RASA3: variants seen among roughly 807,000 people sequenced by gnomAD.
RASA3 encodes ras GTPase-activating protein 3.
Under a neutral mutation model 110.0 loss-of-function variants are expected in RASA3, and 73 were observed. The ratio of observed to expected loss-of-function variants is 0.66; its 90% confidence interval spans 0.55 to 0.81. The LOEUF is 0.81. Ranked by LOEUF, RASA3 falls within the 30% of genes least tolerant of loss-of-function variation. The pLI is 0.00. For synonymous variants in RASA3, 500 were observed against 451.4 expected (o/e 1.11, Z -1.37); for missense variants, 976 against 1,113.2 (o/e 0.88, Z 1.75).
intron 1 of RASA3, among the ~76,000 whole-genome samples, chr13:114,081,758 A>G (rs1280823320): frequency 1.3e-5 from 2 of 152,188 alleles, no homozygotes; most frequent in African/African-American, 4.8e-5. Flanking sequence ...AATAACGAGG[A>G]AAGAGAAGGC....
intron 2 of RASA3, among the ~76,000 whole-genome samples, chr13:114,073,337 T>C (rs71449068): frequency 5.6e-5 from 6 of 106,838 alleles, no homozygotes; most frequent in South Asian, 3.5e-4. Context: ...GGGACGGTGA[T>C]GTACATGCTT....
At chr13:114,111,233 G>A (rs1237251882) in intron 1 of RASA3, among the ~76,000 whole-genome samples, 2 of 20,046 alleles carry the variant, frequency 1.0e-4, no homozygotes. Context: ...CCAGCTGCAG[G>A]CCGAGTTCTA....
intron 3 of RASA3, among the ~76,000 whole-genome samples, chr13:114,046,066 G>A (rs2079047641): frequency 6.6e-6 from 1 of 152,206 alleles, no homozygotes; most frequent in East Asian, 1.9e-4. Flanking sequence ...TTTGGAAATT[G>A]AGAAGCTCAT....
chr13:113,991,877 TC>T (rs1417805229), intron 22 of RASA3, among the ~76,000 whole-genome samples: 1 of 152,118 alleles, frequency 6.6e-6, no homozygotes, highest in African/African-American at 2.4e-5. Flanking sequence ...TGCTCACGTG[TC>T]CCCACACACA....
chr13:114,005,286 G>A (rs2053489571), intron 18 of RASA3, among the ~76,000 whole-genome samples: 2 of 152,256 alleles, frequency 1.3e-5, no homozygotes, highest in South Asian at 2.1e-4. Flanking sequence ...ACACCAGGCA[G>A]AGCAAAGCCC....
In RASA3 at chr13:114,112,195, G is replaced by A. The variant is rs1317056624; in HGVS notation, c.55+20240C>T. ...AAAGAGAAGGAGAACAAAACCCTCAGCCAGGCTATTGTGAATGGGTGTTAC... is the reference window on the plus strand; with the variant it reads ...AAAGAGAAGGAGAACAAAACCCTCAACCAGGCTATTGTGAATGGGTGTTAC... On this transcript the variant is annotated intron_variant, in intron 1 of 23. Coordinates refer to ENST00000334062, the MANE Select transcript of RASA3 (RefSeq NM_007368.4). The surrounding 1 kb of genome is among the most constrained non-coding windows in gnomAD (Gnocchi z 4.8). Among the ~76,000 whole-genome samples, 1 of 151,888 alleles carries A rather than the reference G, an allele frequency of 6.6e-6. No individual in the cohort carries two copies. The highest frequency in any genetic ancestry group is 1.5e-5 in the Non-Finnish European group (1 of 67,966).
intron 2 of RASA3, among the ~76,000 whole-genome samples, chr13:114,062,529 T>G (rs1417866870): frequency 6.6e-6 from 1 of 152,122 alleles, no homozygotes; most frequent in Non-Finnish European, 1.5e-5. Context: ...CCCCCAGGTG[T>G]GCAGCAATAG....
At chr13:114,018,998 T>C (rs1368983976) in intron 9 of RASA3, 79 bp from the exon 10 acceptor site, 2 of 1,555,734 alleles carry the variant, frequency 1.3e-6, no homozygotes, top group African/African-American at 2.7e-5. Context: ...CCCAGCTGCC[T>C]GCTTGAGGTC....
At chr13:114,002,138 G>A (rs1462413666) in intron 18 of RASA3, among the ~76,000 whole-genome samples, 1 of 152,276 alleles carries the variant, frequency 6.6e-6, no homozygotes, top group African/African-American at 2.4e-5. Context: ...CTGGAGGACA[G>A]AGGTGGAAGC....
At chr13:114,064,984 T>G (rs531014050) in intron 2 of RASA3, among the ~76,000 whole-genome samples, 2 of 152,372 alleles carry the variant, frequency 1.3e-5, no homozygotes, top group East Asian at 3.9e-4. Context: ...TGGCAAAGTC[T>G]CCTTTCCCTC....
Position 114,123,599 on chromosome 13 carries a change from C to T in RASA3, c.55+8836G>A, listed in dbSNP as rs561744751. Among the ~76,000 whole-genome samples the T allele has an allele frequency of 2.0e-5, 3 of 152,332 alleles. No individual in the cohort carries two copies. The East Asian group carries it at 5.8e-4, about 29-fold the overall frequency. ...ACCAAGCTCCAGGAAGACACAACAA[C>T]AATCACCCTTAGGCTTTGTCAGGCA... On this transcript the variant is annotated intron_variant, in intron 1 of 23. Transcript: ENST00000334062.
rs200240133 is a variant in RASA3 at position 113,981,869 on chromosome 13, C to T, written c.2246-11G>A. On this transcript the variant is annotated splice_polypyrimidine_tract_variant and intron_variant, in intron 22 of 23. Coordinates refer to ENST00000334062, the MANE Select transcript of RASA3 (RefSeq NM_007368.4). ...TGCTCCCACAGGCCTCTGTGGAGGG[C>T]GGAGGGGTCAGCGCAGGGCAGGAGC... is the stretch of plus-strand genomic sequence containing the variant. The T allele has an allele frequency of 1.8e-5, 29 of 1,611,910 alleles. No homozygotes were observed. The East Asian group carries it at 3.1e-4, about 17-fold the overall frequency.
At chr13:114,058,088 G>A (rs9525362) in intron 2 of RASA3, among the ~76,000 whole-genome samples, 55,246 of 152,008 alleles carry the variant, frequency 0.36, 10,357 homozygotes, top group Middle Eastern at 0.51. Context: ...AACCAGCCGA[G>A]TGAAGCCCCT....
In RASA3 at chr13:114,074,050, C is replaced by T. The variant is rs866864380; in HGVS notation, c.56-213G>A. Among the ~76,000 whole-genome samples the T allele has an allele frequency of 3.0e-4, 45 of 152,352 alleles. No individual in the cohort carries two copies. In the Middle Eastern group the frequency reaches 0.014, roughly 46 times the overall value. On this transcript the variant is annotated intron_variant, in intron 1 of 23. Coordinates refer to ENST00000334062, the MANE Select transcript of RASA3 (RefSeq NM_007368.4). ...GCACGCCACCCTCTAATGCAAGTCC[C>T]GCAAGCAGGGACCTGCCAGCCTGGG... is the stretch of plus-strand genomic sequence containing the variant.
At chr13:114,098,019 C>T (rs1225606794) in intron 1 of RASA3, among the ~76,000 whole-genome samples, 2 of 152,190 alleles carry the variant, frequency 1.3e-5, no homozygotes, top group Non-Finnish European at 2.9e-5. Flanking sequence ...ACAAAGGCAG[C>T]TCTCAGCCCT....
chr13:114,002,306 C>A (rs1420187256), intron 18 of RASA3, among the ~76,000 whole-genome samples: 1 of 152,020 alleles, frequency 6.6e-6, no homozygotes, highest in Non-Finnish European at 1.5e-5. Flanking sequence ...GGTGTGGAAG[C>A]TGCTGGGAGC....
Sources: allele counts gnomAD v4.1 joint callset (sites outside exome capture counted in the v4.1 genomes callset), GRCh38; gene constraint gnomAD v4.1.1; non-coding constraint Gnocchi (gnomAD v3.1); transcripts MANE v1.5; gene names NCBI Gene and HGNC (gene_info 2026-07-23, HGNC 2026-07-21).